Variants in CWF19L1 observed in about 807,000 individuals in gnomAD.
The protein encoded by CWF19L1 is CWF19 like cell cycle control factor 1.
CWF19L1 carries 60 observed loss-of-function variants against 69.7 expected under a neutral mutation model. The observed-to-expected ratio is 0.86, with a 90% CI of 0.70 to 1.07. The LOEUF is 1.07. Among genes scored for constraint, CWF19L1 ranks in the 50% least tolerant of loss-of-function variants. The pLI, the probability that CWF19L1 is intolerant of heterozygous loss-of-function variation, is 0.00. For synonymous variants in CWF19L1, 209 were observed against 222.2 expected (o/e 0.94, Z 0.53); for missense variants, 591 against 638.9 (o/e 0.92, Z 0.81).
intron 1 of CWF19L1, among the ~76,000 whole-genome samples, chr10:100,265,144 A>T (rs1477672001): frequency 6.6e-6 from 1 of 152,000 alleles, no homozygotes; most frequent in African/African-American, 2.4e-5. Flanking sequence ...TTTAAAAGGT[A>T]AAAAGAAAAA....
At chr10:100,255,817 C>T (rs998508841) in intron 5 of CWF19L1, among the ~76,000 whole-genome samples, 1 of 150,526 alleles carries the variant, frequency 6.6e-6, no homozygotes, top group Admixed American at 6.6e-5. Context: ...ATAATCTTAG[C>T]TACTCAGGAG....
At position 100,236,843 on chromosome 10, in the gene CWF19L1, G is replaced by T. The variant is rs367886764; in HGVS notation, c.1374+7C>A. On this transcript the variant is annotated splice_region_variant and intron_variant, in intron 12 of 13. Transcript: ENST00000354105. ...TCTTCCCTGAATATCACCATCCCCT[G>T]TTTCACCTGCTTGATGTCAGAGTGC... 22 of 1,582,192 alleles carry T rather than the reference G, an allele frequency of 1.4e-5. No homozygotes were observed. The highest frequency in any genetic ancestry group is 9.0e-5 in the East Asian group (4 of 44,678).
chr10:100,234,890 G>C (rs1846382115), intron 13 of CWF19L1, among the ~76,000 whole-genome samples: 1 of 152,102 alleles, frequency 6.6e-6, no homozygotes, highest in Non-Finnish European at 1.5e-5. Flanking sequence ...CCATACTGTA[G>C]AACACTGAGG....
At chr10:100,252,180 G>A (rs964850824) in intron 6 of CWF19L1, among the ~76,000 whole-genome samples, 3 of 152,138 alleles carry the variant, frequency 2.0e-5, no homozygotes, top group African/African-American at 4.8e-5. Flanking sequence ...GTAAAACACT[G>A]GTTTTCTTGG....
chr10:100,250,721 G>A (rs1342741307), intron 6 of CWF19L1, among the ~76,000 whole-genome samples: 1 of 152,068 alleles, frequency 6.6e-6, no homozygotes, highest in African/African-American at 2.4e-5. Context: ...TGAGACAGGA[G>A]GACTGCTTGA....
At chr10:100,262,593 A>T (rs1847443081) in intron 1 of CWF19L1, 4 of 384,960 alleles carry the variant, frequency 1.0e-5, no homozygotes, top group Non-Finnish European at 1.4e-5. Context: ...AGGAAGACTC[A>T]GTTTAAGCCT....
At chr10:100,250,446 T>C in intron 6 of CWF19L1, 114 bp from the exon 7 acceptor site, 4 of 692,382 alleles carry the variant, frequency 5.8e-6, no homozygotes, top group Non-Finnish European at 7.7e-6. Context: ...CAGTTCATCA[T>C]CGCCAGTCAA....
chr10:100,265,666 G>A (rs542066859), intron 1 of CWF19L1, among the ~76,000 whole-genome samples: 16 of 151,754 alleles, frequency 1.1e-4, no homozygotes, highest in Admixed American at 6.6e-4. Context: ...GATTACAGGC[G>A]CCCGCTACCA....
intron 5 of CWF19L1, among the ~76,000 whole-genome samples, chr10:100,254,962 T>C (rs1847161644): frequency 6.6e-6 from 1 of 152,214 alleles, no homozygotes; most frequent in African/African-American, 2.4e-5. Context: ...TTTTTGGTCA[T>C]GGACACATGG....
intron 13 of CWF19L1, 48 bp downstream of exon 13, chr10:100,235,619 G>A (rs1358740503): frequency 7.5e-7 from 1 of 1,332,470 alleles, no homozygotes; most frequent in East Asian, 2.3e-5. Context: ...CCACCACTCT[G>A]TTCATAGCAG....
At chr10:100,237,830 G>A (rs1486774468) in intron 11 of CWF19L1, among the ~76,000 whole-genome samples, 192 bp downstream of exon 11, 1 of 151,814 alleles carries the variant, frequency 6.6e-6, no homozygotes, top group East Asian at 1.9e-4. Flanking sequence ...TGTACTTTTA[G>A]TAGAGACAGG....
In CWF19L1 at chr10:100,267,630, A is replaced by C. The variant is rs781722995; in HGVS notation, c.-37T>G. 1 of 1,613,964 alleles carries C rather than the reference A, an allele frequency of 6.2e-7. No homozygotes were observed. The highest frequency in any genetic ancestry group is 8.5e-7 in the Non-Finnish European group (1 of 1,179,840). Reference sequence around the variant, plus strand: ...GTATGGGTTGCGACTGCCACCTAAAATTGGGAATGCGAATCCGCGCTCCCC... The same window carrying C: ...GTATGGGTTGCGACTGCCACCTAAACTTGGGAATGCGAATCCGCGCTCCCC... On this transcript the variant is annotated 5_prime_UTR_variant, in exon 1 of 14. Coordinates refer to ENST00000354105, the MANE Select transcript of CWF19L1 (RefSeq NM_018294.6).
In CWF19L1 at chr10:100,260,533, T is replaced by A. The variant is rs550198712; in HGVS notation, c.188-214A>T. Among the ~76,000 whole-genome samples the A allele has an allele frequency of 2.7e-3, 416 of 152,106 alleles. 3 individuals carry two copies. The highest frequency in any genetic ancestry group is 4.2e-3 in the Non-Finnish European group (286 of 67,964). On this transcript the variant is annotated intron_variant, in intron 3 of 13. Transcript: ENST00000354105. Reference sequence around the variant, plus strand: ...TGGCTATTTTATTTATTTTATTTTTTTTTTTTTGAGACAGAGCCTTGCTCT... The same window carrying A: ...TGGCTATTTTATTTATTTTATTTTTATTTTTTTGAGACAGAGCCTTGCTCT...
rs553572333 is a variant in CWF19L1, at chr10:100,263,431, A to C, written c.24-1368T>G. Among the ~76,000 whole-genome samples the C allele has an allele frequency of 1.2e-4, 19 of 152,222 alleles. No individual in the cohort carries two copies. In the South Asian group the frequency reaches 2.3e-3, roughly 18 times the overall value. ...CTCAGAAGTCATTACCTTCTCAAAAACTCAGAAAACCACATTACAGCATTT... is the reference window on the plus strand; with the variant it reads ...CTCAGAAGTCATTACCTTCTCAAAACCTCAGAAAACCACATTACAGCATTT... On this transcript the variant is annotated intron_variant, in intron 1 of 13. Coordinates refer to ENST00000354105, the MANE Select transcript of CWF19L1 (RefSeq NM_018294.6).
intron 2 of CWF19L1, 37 bp from the exon 3 acceptor site, chr10:100,261,081 A>T (rs1847384029): frequency 7.3e-7 from 1 of 1,377,234 alleles, no homozygotes; most frequent in African/African-American, 1.4e-5. Context: ...ATGAGATTTT[A>T]AAATATCAAA....
In CWF19L1 at chr10:100,233,180, A is replaced by G; in HGVS notation, c.*47T>C. 2.0e-6 allele frequency: 3 copies of G among 1,480,866 alleles called. No individual in the cohort carries two copies. The highest frequency in any genetic ancestry group is 1.8e-6 in the Non-Finnish European group (2 of 1,104,132). The allele number at this position is 1,480,866 out of a possible 1,614,324, so 91.7% of individuals were successfully genotyped here. A position where few individuals can be genotyped will look rare whatever the true frequency, so the allele number is the denominator to read the frequency against. On this transcript the variant is annotated 3_prime_UTR_variant, in exon 14 of 14. Transcript: ENST00000354105. ...ATTCTTTTAATTAAAAAAAAAAAAA[A>G]GCTTTACTACTTCCTGTGGAGTTCA...
intron 3 of CWF19L1, 68 bp from the exon 4 acceptor site, chr10:100,260,387 T>C (rs748073545): frequency 3.4e-5 from 28 of 817,254 alleles, no homozygotes; most frequent in Non-Finnish European, 5.3e-5. Context: ...GATATGCCTC[T>C]CTATAGAAAA....
At chr10:100,259,650 G>C (rs191559000) in intron 4 of CWF19L1, among the ~76,000 whole-genome samples, 2 of 152,054 alleles carry the variant, frequency 1.3e-5, no homozygotes, top group Non-Finnish European at 2.9e-5. Context: ...AGTGTGTACC[G>C]GGTTGTGGGA....
intron 10 of CWF19L1, among the ~76,000 whole-genome samples, chr10:100,239,153 G>A (rs1428353980): frequency 2.6e-5 from 4 of 152,138 alleles, no homozygotes; most frequent in African/African-American, 9.7e-5. Context: ...AAACTCAGAT[G>A]CATCCAAAGA....
Sources: gnomAD v4.1 joint callset for allele counts (sites outside exome capture counted in the v4.1 genomes callset) on GRCh38, gnomAD v4.1.1 for gene constraint, MANE v1.5 for transcripts, NCBI Gene and HGNC (gene_info 2026-07-23, HGNC 2026-07-21) for gene names.